Variants in UNC13C observed in about 807,000 individuals in gnomAD.
UNC13C encodes protein unc-13 homolog C.
A neutral mutation model predicts 245.4 loss-of-function variants in UNC13C; 174 were observed. The ratio of observed to expected loss-of-function variants is 0.71; its 90% confidence interval spans 0.63 to 0.80. UNC13C has a LOEUF of 0.80. UNC13C is among the 30% of genes least tolerant of loss of function. The probability of loss-of-function intolerance (pLI) is 0.00; values close to 1 mark genes in which losing one functional copy is unlikely to be tolerated. For synonymous variants in UNC13C, 992 were observed against 895.1 expected (o/e 1.11, Z -1.93); for missense variants, 2,829 against 2,602.9 (o/e 1.09, Z -1.89).
intron 2 of UNC13C, among the ~76,000 whole-genome samples, chr15:54,038,122 A>ATTTTTTTTTTTTTTT (rs1355738786): frequency 1.1e-3 from 57 of 50,236 alleles, no homozygotes; most frequent in African/African-American, 3.4e-3. Flanking sequence ...ATATATATAT[A>ATTTTTTTTTTTTTTT]TATTTTTTTT....
chr15:54,211,874 G>A (rs954453093), intron 4 of UNC13C, among the ~76,000 whole-genome samples: 4 of 152,074 alleles, frequency 2.6e-5, no homozygotes, highest in Admixed American at 1.3e-4. Flanking sequence ...CCCTTCCAAT[G>A]CTATCATTAT....
At chr15:54,395,440 C>G (rs1181310626) in intron 18 of UNC13C, among the ~76,000 whole-genome samples, 4 of 151,806 alleles carry the variant, frequency 2.6e-5, no homozygotes, top group Non-Finnish European at 5.9e-5. Context: ...CAGATCTGAG[C>G]CCCATCCCAA....
intron 10 of UNC13C, among the ~76,000 whole-genome samples, chr15:54,289,644 T>C (rs184117147): frequency 5.7e-4 from 86 of 152,186 alleles, no homozygotes; most frequent in Middle Eastern, 3.4e-3. Context: ...AGAATGACTG[T>C]AGAGGTTAAA....
At chr15:54,436,775 A>G (rs1449707016) in intron 19 of UNC13C, among the ~76,000 whole-genome samples, 1 of 151,916 alleles carries the variant, frequency 6.6e-6, no homozygotes, top group Admixed American at 6.6e-5. Flanking sequence ...GCACGTGTAT[A>G]CCTATGTAAC....
chr15:54,330,602 C>A (rs1422318022), intron 14 of UNC13C, among the ~76,000 whole-genome samples: 1 of 152,040 alleles, frequency 6.6e-6, no homozygotes, highest in African/African-American at 2.4e-5. Flanking sequence ...ATCACACTCA[C>A]TTTGATAATC....
chr15:54,455,233 ATATAT>A lies in UNC13C; in HGVS notation c.4934-39374_4934-39370del, dbSNP rs1567289208. ...TATATATATATATATATATATATAT[ATATAT>A]GTTTTTTAATCCACTCATTGGTAGA... On this transcript the variant is annotated intron_variant, in intron 19 of 32. Transcript: ENST00000260323. Among the ~76,000 whole-genome samples, 579 of 97,042 alleles carry A rather than the reference ATATAT, an allele frequency of 6.0e-3. 73 individuals are homozygous for A. The highest frequency in any genetic ancestry group is 9.4e-3 in the Non-Finnish European group (450 of 47,974). 63.7% of individuals were successfully genotyped at this position (97,042 alleles called of 152,430 possible).
chr15:54,137,728 C>T (rs1241032254), intron 2 of UNC13C, among the ~76,000 whole-genome samples: 1 of 151,914 alleles, frequency 6.6e-6, no homozygotes. Context: ...CTTGGTGAGT[C>T]TAGCTAAGAG....
rs974628364 is a variant in UNC13C at position 54,526,432 on chromosome 15, A to G, written c.5546+795A>G. Reference sequence around the variant, plus strand: ...ATGTGTTCAATTTTCAAAAGAGACTATAAAGATTGCTCTTCAGGGCCGGGT... The same window carrying G: ...ATGTGTTCAATTTTCAAAAGAGACTGTAAAGATTGCTCTTCAGGGCCGGGT... On this transcript the variant is annotated intron_variant, in intron 25 of 32. Coordinates refer to ENST00000260323, the MANE Select transcript of UNC13C (RefSeq NM_001080534.3). Among the ~76,000 whole-genome samples the G allele has an allele frequency of 5.9e-5, 9 of 152,198 alleles. No individual in the cohort carries two copies. In the East Asian group the frequency reaches 1.2e-3, roughly 20 times the overall value.
At chr15:54,042,237 AG>A (rs1267933917) in intron 2 of UNC13C, among the ~76,000 whole-genome samples, 8 of 152,228 alleles carry the variant, frequency 5.3e-5, no homozygotes, top group Non-Finnish European at 1.0e-4. Flanking sequence ...AATAATTGTC[AG>A]AAAAATCTTA....
At chr15:54,371,066 T>C (rs1168940386) in intron 17 of UNC13C, among the ~76,000 whole-genome samples, 2 of 152,144 alleles carry the variant, frequency 1.3e-5, no homozygotes, top group Non-Finnish European at 2.9e-5. Context: ...ATGCAACACA[T>C]TGTCATTAAC....
intron 2 of UNC13C, among the ~76,000 whole-genome samples, chr15:54,101,561 T>G (rs1407938929): frequency 6.6e-6 from 1 of 152,074 alleles, no homozygotes; most frequent in East Asian, 1.9e-4. Flanking sequence ...GAGTTCATTC[T>G]ATTTGCTCCT....
intron 10 of UNC13C, among the ~76,000 whole-genome samples, chr15:54,288,872 A>G (rs368484576): frequency 3.8e-4 from 58 of 152,152 alleles, no homozygotes; most frequent in African/African-American, 1.3e-3. Flanking sequence ...TGATCAATTC[A>G]TCTCCCTTAA....
intron 30 of UNC13C, among the ~76,000 whole-genome samples, chr15:54,591,332 C>G (rs953012529): frequency 6.6e-6 from 1 of 152,074 alleles, no homozygotes; most frequent in African/African-American, 2.4e-5. Context: ...TGCCTTCTTT[C>G]TCTGTCTTGT....
chr15:54,075,731 C>A (rs1486271972), intron 2 of UNC13C, among the ~76,000 whole-genome samples: 1 of 152,006 alleles, frequency 6.6e-6, no homozygotes, highest in Non-Finnish European at 1.5e-5. Flanking sequence ...TGCATTGCAA[C>A]TTATTGAAAA....
chr15:54,539,666 G>A (rs1361550147), intron 26 of UNC13C, among the ~76,000 whole-genome samples: 7 of 152,016 alleles, frequency 4.6e-5, no homozygotes, highest in Non-Finnish European at 1.0e-4. Flanking sequence ...CAGTAGTTTG[G>A]AGAAGTATTA....
intron 4 of UNC13C, among the ~76,000 whole-genome samples, chr15:54,193,097 G>C (rs543594906): frequency 1.7e-4 from 26 of 152,130 alleles, no homozygotes; most frequent in African/African-American, 6.3e-4. Context: ...CACAACTGAG[G>C]CTTCAGGTAT....
At chr15:53,870,661 C>G in the UNC13C span, among the ~76,000 whole-genome samples, 98 of 152,018 alleles carry the variant, frequency 6.4e-4, no homozygotes, top group Non-Finnish European at 1.2e-3. Context: ...AAACACCTGA[C>G]ATATGCCAGG....
chr15:53,869,997 CT>C, the UNC13C span, among the ~76,000 whole-genome samples: 3 of 152,178 alleles, frequency 2.0e-5, no homozygotes, highest in African/African-American at 7.2e-5. Context: ...TGTCCTAAGA[CT>C]TTTGCAAAAT....
the UNC13C span, among the ~76,000 whole-genome samples, chr15:53,856,293 G>T: frequency 6.6e-6 from 1 of 151,678 alleles, no homozygotes; most frequent in Admixed American, 6.6e-5. Context: ...CTTCAGTTCA[G>T]TTATAATCTT....
Sources: allele counts gnomAD v4.1 joint callset (sites outside exome capture counted in the v4.1 genomes callset), GRCh38; gene constraint gnomAD v4.1.1; transcripts MANE v1.5; gene names NCBI Gene and HGNC (gene_info 2026-07-23, HGNC 2026-07-21).